The following ARHGAP25 variants were observed in gnomAD, a reference collection of about 807,000 sequenced individuals.
ARHGAP25 encodes Rho GTPase activating protein 25.
In ARHGAP25, 34 loss-of-function variants were observed where a neutral mutation model predicts 71.0. That is an observed-to-expected ratio of 0.48 (90% CI 0.36 to 0.64). ARHGAP25 has a LOEUF of 0.64. ARHGAP25 is among the 30% of genes least tolerant of loss of function. The probability of loss-of-function intolerance (pLI) is 0.00; values close to 1 mark genes in which losing one functional copy is unlikely to be tolerated. For synonymous variants in ARHGAP25, 282 were observed against 296.5 expected (o/e 0.95, Z 0.50); for missense variants, 706 against 805.1 (o/e 0.88, Z 1.49).
intron 10 of ARHGAP25, among the ~76,000 whole-genome samples, chr2:68,825,607 T>G (rs1165010903): frequency 6.6e-6 from 1 of 151,034 alleles, no homozygotes; most frequent in Non-Finnish European, 1.5e-5. Flanking sequence ...CTACTAAAAA[T>G]ACAAAAAAAA....
At chr2:68,785,295 A>G (rs1162548926) in intron 3 of ARHGAP25, among the ~76,000 whole-genome samples, 4 of 152,208 alleles carry the variant, frequency 2.6e-5, no homozygotes, top group Non-Finnish European at 5.9e-5. Flanking sequence ...AAAAGTAAGT[A>G]GTGGGGGCAA....
intron 9 of ARHGAP25, among the ~76,000 whole-genome samples, chr2:68,821,206 G>T (rs1355444498): frequency 6.9e-6 from 1 of 145,382 alleles, no homozygotes; most frequent in Non-Finnish European, 1.5e-5. Context: ...GCAATCCTTC[G>T]GCCTCGGCCT....
intron 2 of ARHGAP25, among the ~76,000 whole-genome samples, chr2:68,725,271 C>A (rs1012909765): frequency 6.6e-6 from 1 of 152,162 alleles, no homozygotes; most frequent in Non-Finnish European, 1.5e-5. Flanking sequence ...GCCCTACCAC[C>A]TTTCAGTCTG....
chr2:68,824,472 G>A (rs1201119813), intron 10 of ARHGAP25, among the ~76,000 whole-genome samples: 1 of 152,238 alleles, frequency 6.6e-6, no homozygotes, highest in Admixed American at 6.5e-5. Flanking sequence ...GCCGGGCGTG[G>A]TGGCTCACGC....
intron 4 of ARHGAP25, among the ~76,000 whole-genome samples, chr2:68,803,323 T>TCAGTAAGTA (rs1680144664): frequency 6.6e-6 from 1 of 152,032 alleles, no homozygotes; most frequent in Non-Finnish European, 1.5e-5. Context: ...TCAGAGAAGA[T>TCAGTAAGTA]CAGTAAGTAG....
At chr2:68,769,583 T>A (rs117342902) in intron 1 of ARHGAP25, among the ~76,000 whole-genome samples, 1 of 152,206 alleles carries the variant, frequency 6.6e-6, no homozygotes, top group East Asian at 1.9e-4. Context: ...CCCTGTCTTC[T>A]TAGAGTGCAA....
intron 1 of ARHGAP25, among the ~76,000 whole-genome samples, chr2:68,769,382 C>T (rs571689941): frequency 3.9e-5 from 6 of 152,236 alleles, no homozygotes; most frequent in African/African-American, 1.4e-4. Context: ...ATTTATCACC[C>T]CATAAGATGC....
At chr2:68,717,144 G>A (rs888542401) in intron 2 of ARHGAP25, among the ~76,000 whole-genome samples, 8 of 152,142 alleles carry the variant, frequency 5.3e-5, no homozygotes, top group East Asian at 1.9e-4. Context: ...TCTGTATAGC[G>A]TGTTACTGTA....
chr2:68,728,156 G>A (rs919521544), intron 2 of ARHGAP25, among the ~76,000 whole-genome samples: 1 of 152,152 alleles, frequency 6.6e-6, no homozygotes, highest in Non-Finnish European at 1.5e-5. Context: ...CTACATCATC[G>A]GATGTTTCAC....
chr2:68,786,142 A>G (rs1026787846), intron 3 of ARHGAP25, among the ~76,000 whole-genome samples: 2 of 152,182 alleles, frequency 1.3e-5, no homozygotes, highest in African/African-American at 4.8e-5. Flanking sequence ...GAGTTAGTCC[A>G]TGGAAGTCCT....
At chr2:68,742,937 A>G (rs1056849473) in intron 1 of ARHGAP25, among the ~76,000 whole-genome samples, 26 of 152,180 alleles carry the variant, frequency 1.7e-4, no homozygotes, top group Non-Finnish European at 3.2e-4. Flanking sequence ...TTTTGTCTGC[A>G]TGGCTATTCT....
intron 2 of ARHGAP25, among the ~76,000 whole-genome samples, chr2:68,714,130 A>T (rs1457149618): frequency 9.2e-5 from 14 of 151,390 alleles, no homozygotes; most frequent in African/African-American, 3.2e-4. Context: ...TTTTTTTTTG[A>T]TAGGTAGGCT....
At chr2:68,798,343 T>A (rs866328509) in intron 4 of ARHGAP25, among the ~76,000 whole-genome samples, 4 of 152,204 alleles carry the variant, frequency 2.6e-5, no homozygotes, top group Non-Finnish European at 5.9e-5. Context: ...TTAAAATAGA[T>A]GATATTTACT....
chr2:68,791,397 TC>T (rs1679164269), intron 4 of ARHGAP25, among the ~76,000 whole-genome samples: 1 of 152,200 alleles, frequency 6.6e-6, no homozygotes, highest in African/African-American at 2.4e-5. Flanking sequence ...AGCACTATGT[TC>T]AGCTCCCTCA....
At chr2:68,727,574 C>G (rs1471596058) in intron 2 of ARHGAP25, among the ~76,000 whole-genome samples, 3 of 152,174 alleles carry the variant, frequency 2.0e-5, no homozygotes, top group African/African-American at 7.2e-5. Flanking sequence ...GTGCCATGGC[C>G]AGGGACCTCC....
chr2:68,776,276 G>T (rs921135671), intron 2 of ARHGAP25, among the ~76,000 whole-genome samples: 55 of 135,104 alleles, frequency 4.1e-4, no homozygotes, highest in Middle Eastern at 7.4e-3. Flanking sequence ...GACTGCTGGG[G>T]CACTGCAGGC....
At chr2:68,736,236 A>G (rs939947126) in intron 1 of ARHGAP25, among the ~76,000 whole-genome samples, 1 of 152,210 alleles carries the variant, frequency 6.6e-6, no homozygotes, top group Non-Finnish European at 1.5e-5. Context: ...TTAATGATGT[A>G]GGTCTGAGAA....
intron 4 of ARHGAP25, among the ~76,000 whole-genome samples, chr2:68,798,008 T>G (rs750298811): frequency 1.3e-5 from 2 of 152,238 alleles, no homozygotes; most frequent in African/African-American, 2.4e-5. Context: ...AGTTCTTTCT[T>G]GAACACTGCA....
chr2:68,749,185 CT>C (rs760520127), intron 1 of ARHGAP25, among the ~76,000 whole-genome samples: 1 of 152,084 alleles, frequency 6.6e-6, no homozygotes, highest in Non-Finnish European at 1.5e-5. Context: ...ACATTGGGCC[CT>C]ATGCTTAGAA....
Sources: allele counts gnomAD v4.1 joint callset (sites outside exome capture counted in the v4.1 genomes callset), GRCh38; gene constraint gnomAD v4.1.1; transcripts MANE v1.5; gene names NCBI Gene and HGNC (gene_info 2026-07-23, HGNC 2026-07-21).